The following TNR variants were observed in gnomAD, a reference collection of about 807,000 sequenced individuals.
The protein encoded by TNR is tenascin R, also known as tenascin-R.
A neutral mutation model predicts 150.4 loss-of-function variants in TNR; 45 were observed. The observed-to-expected ratio is 0.30, with a 90% CI of 0.24 to 0.38. The LOEUF is 0.38. Among genes scored for constraint, TNR ranks in the 10% least tolerant of loss-of-function variants. TNR has a pLI of 1.00. For missense variants in TNR, 1,544 were observed against 1,759.1 expected (o/e 0.88, Z 2.19); for synonymous variants, 687 against 678.4 (o/e 1.01, Z -0.20).
chr1:175,578,182 T>C (rs1662197106), intron 1 of TNR, among the ~76,000 whole-genome samples: 1 of 152,168 alleles, frequency 6.6e-6, no homozygotes, highest in African/African-American at 2.4e-5. Flanking sequence ...AGGTTCCACT[T>C]GTCAAATGTG....
At chr1:175,489,320 C>T (rs1296496350) in intron 2 of TNR, among the ~76,000 whole-genome samples, 1 of 152,184 alleles carries the variant, frequency 6.6e-6, no homozygotes, top group Non-Finnish European at 1.5e-5. Flanking sequence ...CCATCTCATG[C>T]AAGAAAGACT....
At chr1:175,331,062 T>TTTCC (rs1649803094) in intron 20 of TNR, among the ~76,000 whole-genome samples, 10 of 124,056 alleles carry the variant, frequency 8.1e-5, no homozygotes, top group African/African-American at 3.5e-4. Context: ...TCTTTCTTTC[T>TTTCC]TTCTTTCTTT....
chr1:175,648,335 G>T (rs1313076755), intron 1 of TNR, among the ~76,000 whole-genome samples: 1 of 152,118 alleles, frequency 6.6e-6, no homozygotes, highest in Non-Finnish European at 1.5e-5. Context: ...TGCTTTGCTG[G>T]AATGGGAAGG....
intron 1 of TNR, among the ~76,000 whole-genome samples, chr1:175,655,097 C>G (rs575212078): frequency 7.9e-4 from 120 of 152,224 alleles, no homozygotes; most frequent in African/African-American, 2.7e-3. Flanking sequence ...ACGCTGAGGA[C>G]TGATTTAGCT....
intron 1 of TNR, among the ~76,000 whole-genome samples, chr1:175,668,645 G>A (rs1324342409): frequency 6.6e-6 from 1 of 152,212 alleles, no homozygotes; most frequent in African/African-American, 2.4e-5. Context: ...ACCGGACACA[G>A]CTGTAATGAG....
intron 1 of TNR, among the ~76,000 whole-genome samples, chr1:175,682,854 T>C (rs969011862): frequency 1.3e-5 from 2 of 152,180 alleles, no homozygotes; most frequent in Non-Finnish European, 2.9e-5. Context: ...GGTGCTGGAA[T>C]GGTGTGATTT....
At chr1:175,394,204 A>T (rs1653313236) in intron 5 of TNR, among the ~76,000 whole-genome samples, 1 of 152,154 alleles carries the variant, frequency 6.6e-6, no homozygotes, top group Non-Finnish European at 1.5e-5. Flanking sequence ...TTTTCTTACT[A>T]ATGTGGTAGA....
intron 1 of TNR, among the ~76,000 whole-genome samples, chr1:175,728,940 A>T (rs1432269035): frequency 6.6e-6 from 1 of 152,194 alleles, no homozygotes; most frequent in Non-Finnish European, 1.5e-5. Flanking sequence ...TCCCGAGCTA[A>T]TGAGTGATGA....
chr1:175,365,185 G>A lies in TNR; in HGVS notation c.2412C>T (p.Leu804=), dbSNP rs896368573. The change falls in exon 12 of 23, where the codon CTC becomes CTT. Residue 804 remains leucine (L), a synonymous_variant. Transcript: ENST00000367674. ...CATCCCTGGGGCTGTAGTTAAGAAT[G>A]AGTCTGTCTGCTGGGGGAGATGGAT... ...WSDPSPPADR[L]ILNYSPRDEE... 4 of 1,614,026 alleles carry A rather than the reference G, an allele frequency of 2.5e-6. 1 individual carries two copies. Among genetic ancestry groups the A allele is most frequent in the African/African-American group, 2.7e-5 (2 of 74,922 alleles).
chr1:175,324,625 C>A, intron 21 of TNR, 106 bp from the exon 22 acceptor site: 3 of 1,324,938 alleles, frequency 2.3e-6, no homozygotes, highest in Non-Finnish European at 3.2e-6. Context: ...ACTTATGGAA[C>A]CTTTTCATTT....
intron 1 of TNR, among the ~76,000 whole-genome samples, chr1:175,568,439 T>C (rs1038182777): frequency 2.6e-5 from 4 of 152,174 alleles, no homozygotes; most frequent in Non-Finnish European, 5.9e-5. Context: ...AATAGCTCCA[T>C]CCCTTCCCAT....
intron 1 of TNR, among the ~76,000 whole-genome samples, chr1:175,549,518 T>C (rs1660849595): frequency 6.6e-6 from 1 of 152,212 alleles, no homozygotes; most frequent in African/African-American, 2.4e-5. Flanking sequence ...GAGCTATGAA[T>C]ATCAGATTTT....
rs532099358 is a variant in TNR, at chr1:175,396,865, G to A, written c.977-58C>T. On this transcript the variant is annotated intron_variant, in intron 4 of 22. Coordinates refer to ENST00000367674, the MANE Select transcript of TNR (RefSeq NM_003285.3). Reference sequence around the variant, plus strand: ...TCAGAGGATTGCCTTCCCCATCCTGGACTCAACTTTCTTCCTCACATCTCA... The same window carrying A: ...TCAGAGGATTGCCTTCCCCATCCTGAACTCAACTTTCTTCCTCACATCTCA... 3 of 1,568,286 alleles carry A rather than the reference G, an allele frequency of 1.9e-6. No individual in the cohort carries two copies. In the African/African-American group the frequency reaches 4.0e-5, roughly 21 times the overall value.
intron 3 of TNR, among the ~76,000 whole-genome samples, chr1:175,405,046 C>T (rs148194473): frequency 6.6e-6 from 1 of 152,190 alleles, no homozygotes; most frequent in Non-Finnish European, 1.5e-5. Flanking sequence ...TTCACTCTGC[C>T]ACCTCCAGCT....
intron 1 of TNR, among the ~76,000 whole-genome samples, chr1:175,615,669 GC>G (rs1663752170): frequency 6.6e-6 from 1 of 152,210 alleles, no homozygotes; most frequent in Admixed American, 6.5e-5. Flanking sequence ...GCGTCCTCCT[GC>G]TTCAGGAATT....
chr1:175,696,045 T>A (rs2101922366), intron 1 of TNR, among the ~76,000 whole-genome samples: 1 of 152,122 alleles, frequency 6.6e-6, no homozygotes, highest in South Asian at 2.1e-4. Flanking sequence ...AATATGTGCA[T>A]AGGAGCAAGT....
chr1:175,717,863 C>A (rs77174221), intron 1 of TNR, among the ~76,000 whole-genome samples: 7,642 of 152,300 alleles, frequency 0.05, 303 homozygotes, highest in East Asian at 0.22. Flanking sequence ...CACACACACA[C>A]ACAGCTAATA....
intron 2 of TNR, among the ~76,000 whole-genome samples, chr1:175,420,036 G>A (rs1654682589): frequency 6.6e-6 from 1 of 152,186 alleles, no homozygotes; most frequent in Non-Finnish European, 1.5e-5. Context: ...TCCCTGGGAG[G>A]CTGCCTCGGG....
At chr1:175,541,995 A>G (rs1001318731) in intron 1 of TNR, among the ~76,000 whole-genome samples, 3 of 152,082 alleles carry the variant, frequency 2.0e-5, no homozygotes, top group Admixed American at 2.0e-4. Flanking sequence ...GATAATGTAA[A>G]CCAAAGACGC....
Sources: gnomAD v4.1 joint callset for allele counts (sites outside exome capture counted in the v4.1 genomes callset) on GRCh38, gnomAD v4.1.1 for gene constraint, MANE v1.5 for transcripts, NCBI Gene and HGNC (gene_info 2026-07-23, HGNC 2026-07-21) for gene names.